Variants in CFAP47 observed in about 807,000 individuals in gnomAD.
CFAP47 encodes cilia- and flagella-associated protein 47.
CFAP47 carries 29 observed loss-of-function variants against 148.1 expected under a neutral mutation model. The observed-to-expected ratio is 0.20, with a 90% CI of 0.15 to 0.27. The LOEUF is 0.27. CFAP47 is among the 10% of genes least tolerant of loss of function. The probability of loss-of-function intolerance (pLI) is 1.00; values close to 1 mark genes in which losing one functional copy is unlikely to be tolerated. For missense variants in CFAP47, 1,872 were observed against 1,697.5 expected (o/e 1.10, Z -1.81); for synonymous variants, 664 against 577.3 (o/e 1.15, Z -2.15).
intron 39 of CFAP47, among the ~76,000 whole-genome samples, chrX:36,176,757 T>G (rs1043571421): frequency 9.0e-6 from 1 of 111,206 alleles, no homozygotes; most frequent in African/African-American, 3.3e-5. Flanking sequence ...TCAAAAAAAT[T>G]AGCCGCGCAT....
chrX:36,207,095 G>A (rs1325356525), intron 45 of CFAP47, among the ~76,000 whole-genome samples: 1 of 111,912 alleles, frequency 8.9e-6, no homozygotes, highest in Non-Finnish European at 1.9e-5. Context: ...CCTAAACTCT[G>A]TGCATTCTGC....
chrX:36,300,996 G>T, intron 52 of CFAP47, 76 bp from the exon 53 acceptor site: 3 of 532,907 alleles, frequency 5.6e-6, no homozygotes, highest in South Asian at 2.7e-5. Flanking sequence ...ATACTAGTTT[G>T]GGGTATACTA....
chrX:36,149,584 T>TTTTATTTA (rs914889057), intron 37 of CFAP47, among the ~76,000 whole-genome samples: 3 of 99,860 alleles, frequency 3.0e-5, no homozygotes, highest in Non-Finnish European at 5.9e-5. Flanking sequence ...GATATATATA[T>TTTTATTTA]TTTATTTATT....
At chrX:36,230,537 A>C (rs1250792832) in intron 46 of CFAP47, among the ~76,000 whole-genome samples, 1 of 99,675 alleles carries the variant, frequency 1.0e-5, no homozygotes, top group Non-Finnish European at 1.9e-5. Context: ...TAGGTTGCAA[A>C]AATTTTCTCC....
Position 36,138,424 on chromosome X carries a change from T to A in CFAP47, c.5495T>A (p.Val1832Glu). The A allele has an allele frequency of 8.6e-7, 1 of 1,164,614 alleles. No individual in the cohort carries two copies. Among genetic ancestry groups the A allele is most frequent in the Non-Finnish European group, 1.1e-6 (1 of 876,561 alleles). ...EEYLHNCLIIVNTLYEIDFDV... is the reference protein window; with the variant it reads ...EEYLHNCLIIENTLYEIDFDV... ...TATCTGCACAATTGCCTGATTATTG[T>A]AAATACTCTTTATGAAATTGACTTT... is the stretch of plus-strand genomic sequence containing the variant. Residue 1832 changes from valine to glutamate, a missense_variant, in exon 35 of 64, where the codon GTA (valine) becomes GAA (glutamate). By Grantham distance (121) the Val-to-Glu change is moderately radical (BLOSUM62 -2). Coordinates refer to ENST00000378653, the MANE Select transcript of CFAP47 (RefSeq NM_001304548.2).
intron 45 of CFAP47, among the ~76,000 whole-genome samples, chrX:36,213,483 TC>T (rs1330729049): frequency 3.6e-5 from 4 of 111,785 alleles, no homozygotes; most frequent in Non-Finnish European, 7.5e-5. Context: ...ATCAAAATTA[TC>T]CCTGCCCAGA....
At chrX:36,145,446 C>T in intron 36 of CFAP47, 93 bp downstream of exon 36, 1 of 285,310 alleles carries the variant, frequency 3.5e-6, no homozygotes. Context: ...TAACAGCAAG[C>T]GTCTGTAGGA....
At chrX:36,307,733 G>A (rs782472456) in intron 55 of CFAP47, among the ~76,000 whole-genome samples, 40 of 110,611 alleles carry the variant, frequency 3.6e-4, no homozygotes, top group African/African-American at 8.2e-4. Context: ...TAATACAGGC[G>A]TCTCCATGTC....
At chrX:36,045,781 CTT>C (rs1206754129) in intron 25 of CFAP47, among the ~76,000 whole-genome samples, 1 of 111,649 alleles carries the variant, frequency 9.0e-6, no homozygotes, top group Non-Finnish European at 1.9e-5. Flanking sequence ...GAATTAATCT[CTT>C]AATTTTTCAA....
At chrX:36,010,801 G>A (rs917455624) in intron 21 of CFAP47, among the ~76,000 whole-genome samples, 23 of 111,303 alleles carry the variant, frequency 2.1e-4, no homozygotes, top group African/African-American at 5.9e-4. Context: ...TGATATTCTC[G>A]TTTCGTGTAT....
intron 29 of CFAP47, among the ~76,000 whole-genome samples, chrX:36,073,592 A>G (rs1023469373): frequency 9.0e-6 from 1 of 110,836 alleles, no homozygotes. Context: ...ATATCTGATA[A>G]TTTTAGGCAA....
intron 1 of CFAP47, among the ~76,000 whole-genome samples, chrX:35,923,603 C>G (rs941102394): frequency 9.1e-6 from 1 of 109,839 alleles, no homozygotes; most frequent in Non-Finnish European, 1.9e-5. Context: ...GGGCAGATCA[C>G]GAGTTCAAGA....
intron 57 of CFAP47, among the ~76,000 whole-genome samples, chrX:36,345,032 T>C (rs1941685588): frequency 8.9e-6 from 1 of 111,850 alleles, no homozygotes; most frequent in Admixed American, 9.5e-5. Context: ...AGAACCACAA[T>C]AAAAATATTA....
intron 34 of CFAP47, 132 bp from the exon 35 acceptor site, chrX:36,138,216 C>T: frequency 1.4e-6 from 1 of 722,700 alleles, no homozygotes; most frequent in Non-Finnish European, 1.9e-6. Flanking sequence ...TTTATTCTTG[C>T]ATTTTGATTG....
intron 45 of CFAP47, among the ~76,000 whole-genome samples, chrX:36,209,244 G>A (rs978208448): frequency 9.0e-6 from 1 of 111,384 alleles, no homozygotes; most frequent in African/African-American, 3.3e-5. Flanking sequence ...AATAACAAGG[G>A]TTAAGCTTGT....
chrX:36,156,663 C>CA (rs1441598831), intron 37 of CFAP47, among the ~76,000 whole-genome samples: 4 of 106,603 alleles, frequency 3.8e-5, no homozygotes, highest in African/African-American at 1.4e-4. Context: ...GCAATTGGAG[C>CA]AAAAAAAATA....
At chrX:36,188,125 T>C in intron 40 of CFAP47, among the ~76,000 whole-genome samples, 1 of 111,967 alleles carries the variant, frequency 8.9e-6, no homozygotes, top group South Asian at 3.7e-4. Flanking sequence ...TTTTTAGAAA[T>C]GCAATCAGAA....
At position 35,989,382 on chromosome X, in the gene CFAP47, CAGA is replaced by C. The variant is rs746866225; in HGVS notation, c.2783_2785del (p.Glu928del). ...ACTTGGCAGCAGGGCTTCAGTTCTC[CAGA>C]AGAAGGAGAATTTATTCTTCATGTC... On this transcript the variant is annotated inframe_deletion, in exon 16 of 64. Transcript: ENST00000378653. 7 of 1,209,558 alleles carry C rather than the reference CAGA, an allele frequency of 5.8e-6. No homozygotes were observed. The South Asian group carries it at 8.8e-5, about 15-fold the overall frequency.
At chrX:36,313,099 G>GA (rs1347970909) in intron 56 of CFAP47, among the ~76,000 whole-genome samples, 1 of 110,902 alleles carries the variant, frequency 9.0e-6, no homozygotes, top group Non-Finnish European at 1.9e-5. Flanking sequence ...ATGGTCTACA[G>GA]AAAAACATGA....
Sources: gnomAD v4.1 joint callset for allele counts (sites outside exome capture counted in the v4.1 genomes callset) on GRCh38, gnomAD v4.1.1 for gene constraint, MANE v1.5 for transcripts, NCBI Gene and HGNC (gene_info 2026-07-23, HGNC 2026-07-21) for gene names.